Variants in WNT7B observed in about 807,000 individuals in gnomAD.
WNT7B encodes protein Wnt-7b.
In WNT7B, 19 loss-of-function variants were observed where a neutral mutation model predicts 38.2. The observed-to-expected ratio is 0.50, with a 90% CI of 0.35 to 0.73. WNT7B has a LOEUF of 0.73. WNT7B is among the 30% of genes least tolerant of loss of function. WNT7B has a pLI of 0.01. For synonymous variants in WNT7B, 243 were observed against 209.3 expected, an observed-to-expected ratio of 1.16 and a Z score of -1.39; for missense variants, 423 against 507.9, an observed-to-expected ratio of 0.83 and a Z score of 1.61.
chr22:45,961,858 G>A (rs556189345), intron 1 of WNT7B, among the ~76,000 whole-genome samples: 3 of 152,294 alleles, frequency 2.0e-5, no homozygotes, highest in Non-Finnish European at 2.9e-5. Context: ...ACTGGCTCTC[G>A]CTGGCCTCCC....
intron 3 of WNT7B, chr22:45,925,481 C>T (rs1931054903): frequency 4.1e-6 from 4 of 985,162 alleles, no homozygotes; most frequent in African/African-American, 1.7e-5. Flanking sequence ...AATTGCAGGG[C>T]TAAGGGGCAT....
chr22:45,961,063 C>A (rs547410629), intron 1 of WNT7B, among the ~76,000 whole-genome samples: 1 of 152,372 alleles, frequency 6.6e-6, no homozygotes, highest in African/African-American at 2.4e-5. Flanking sequence ...CCACCTGCAC[C>A]TGCCCCATAA....
At chr22:45,942,508 C>T (rs1014403086) in intron 2 of WNT7B, among the ~76,000 whole-genome samples, 5 of 152,258 alleles carry the variant, frequency 3.3e-5, no homozygotes, top group African/African-American at 1.2e-4. Flanking sequence ...GGCTTGGCCC[C>T]AATCCCTGCT....
chr22:45,933,728 A>G (rs560076865), intron 2 of WNT7B, among the ~76,000 whole-genome samples: 1 of 152,264 alleles, frequency 6.6e-6, no homozygotes, highest in South Asian at 2.1e-4. Context: ...CAATCTTAAC[A>G]AGGAGCATGG....
intron 3 of WNT7B, among the ~76,000 whole-genome samples, chr22:45,929,182 C>G (rs1319775343): frequency 6.6e-6 from 1 of 152,180 alleles, no homozygotes; most frequent in African/African-American, 2.4e-5. Flanking sequence ...CCTCCTCCTC[C>G]AGGGAGTCCT....
chr22:45,971,354 G>A (rs370059871), intron 1 of WNT7B, among the ~76,000 whole-genome samples: 129 of 152,348 alleles, frequency 8.5e-4, no homozygotes, highest in South Asian at 4.6e-3. Flanking sequence ...TTCTTTTTAA[G>A]TCAGAGGCCA....
chr22:45,959,807 G>A (rs920537091), intron 1 of WNT7B, among the ~76,000 whole-genome samples: 7 of 152,014 alleles, frequency 4.6e-5, no homozygotes, highest in South Asian at 2.1e-4. Context: ...CCCCTACCCC[G>A]CCACTGAAAG....
intron 2 of WNT7B, among the ~76,000 whole-genome samples, chr22:45,934,990 G>C (rs1931477400): frequency 6.6e-6 from 1 of 152,196 alleles, no homozygotes; most frequent in Non-Finnish European, 1.5e-5. Flanking sequence ...AGCCCACGGG[G>C]GAGGGCCCGT....
chr22:45,962,542 C>T (rs79800847), intron 1 of WNT7B, among the ~76,000 whole-genome samples: 4,840 of 152,302 alleles, frequency 0.032, 250 homozygotes, highest in African/African-American at 0.11. Flanking sequence ...CCACCAGGGT[C>T]TCTCTCAGTT....
chr22:45,954,382 C>A (rs2146737052), intron 1 of WNT7B, among the ~76,000 whole-genome samples: 1 of 152,298 alleles, frequency 6.6e-6, no homozygotes, highest in South Asian at 2.1e-4. Flanking sequence ...CTGAATTGTT[C>A]ACTTAAAAAT....
chr22:45,972,168 T>A, intron 1 of WNT7B: 1 of 521,028 alleles, frequency 1.9e-6, no homozygotes, highest in East Asian at 5.3e-5. Context: ...TAGCTGCCGC[T>A]GGACAGGAGG....
chr22:45,968,736 C>T (rs1932365924), intron 1 of WNT7B, among the ~76,000 whole-genome samples: 2 of 152,172 alleles, frequency 1.3e-5, no homozygotes, highest in African/African-American at 4.8e-5. Flanking sequence ...TCCACTTGCC[C>T]ACCTCCAGTG....
chr22:45,959,504 G>A (rs1031946611), intron 1 of WNT7B, among the ~76,000 whole-genome samples: 2 of 152,180 alleles, frequency 1.3e-5, no homozygotes, highest in African/African-American at 4.8e-5. Flanking sequence ...CCTGGGAGAA[G>A]TCGGCTGTGC....
At chr22:45,952,713 G>A (rs1217023225) in intron 1 of WNT7B, among the ~76,000 whole-genome samples, 1 of 152,222 alleles carries the variant, frequency 6.6e-6, no homozygotes, top group African/African-American at 2.4e-5. Context: ...GGGACTTAGT[G>A]TGGACCCTGG....
In WNT7B at chr22:45,965,918, G is replaced by A. The variant is rs531574102; in HGVS notation, c.71+10766C>T. The stretch of plus-strand genomic sequence containing the variant: ...AGAGCCCGCCCAAGGCTGGAAACCC[G>A]CCTTAGTAAAACACCGTGACAAGTG... On this transcript the variant is annotated intron_variant, in intron 1 of 3. Transcript: ENST00000339464. The surrounding 1 kb of genome is among the most constrained non-coding windows in gnomAD (Gnocchi z 6.5). Among the ~76,000 whole-genome samples, 1 of 152,164 alleles carries A rather than the reference G, an allele frequency of 6.6e-6. No homozygotes were observed. Among genetic ancestry groups the A allele is most frequent in the Non-Finnish European group, 1.5e-5 (1 of 68,034 alleles).
At chr22:45,937,578 C>T (rs545520143) in intron 2 of WNT7B, among the ~76,000 whole-genome samples, 9 of 148,192 alleles carry the variant, frequency 6.1e-5, no homozygotes, top group East Asian at 3.9e-4. Context: ...CACCTCAGCA[C>T]GTGTCCCTGG....
intron 3 of WNT7B, among the ~76,000 whole-genome samples, chr22:45,928,541 C>T (rs539621780): frequency 9.2e-5 from 14 of 152,134 alleles, no homozygotes; most frequent in South Asian, 2.1e-4. Flanking sequence ...TGGCCACTGG[C>T]GGCATCATCA....
Position 45,947,197 on chromosome 22 carries a change from G to C in WNT7B, c.298+2723C>G, listed in dbSNP as rs553299880. Reference sequence around the variant, plus strand: ...GCCCGAAGCTCTGATTCTCAGAAGGGATGTGGGGAACCAGGGTGAATATGG... The same window carrying C: ...GCCCGAAGCTCTGATTCTCAGAAGGCATGTGGGGAACCAGGGTGAATATGG... On this transcript the variant is annotated intron_variant, in intron 2 of 3. Transcript: ENST00000339464. Among the ~76,000 whole-genome samples the C allele has an allele frequency of 8.5e-5, 13 of 152,366 alleles. No individual in the cohort carries two copies. In the South Asian group the frequency reaches 2.7e-3, roughly 32 times the overall value.
chr22:45,940,464 G>A (rs1009546788), intron 2 of WNT7B, among the ~76,000 whole-genome samples: 9 of 152,180 alleles, frequency 5.9e-5, no homozygotes, highest in South Asian at 2.1e-4. Context: ...CTCTACACAC[G>A]CGCGACACTG....
Sources: gnomAD v4.1 joint callset for allele counts (sites outside exome capture counted in the v4.1 genomes callset) on GRCh38, gnomAD v4.1.1 for gene constraint, Gnocchi (gnomAD v3.1) non-coding constraint, MANE v1.5 for transcripts, NCBI Gene and HGNC (gene_info 2026-07-23, HGNC 2026-07-21) for gene names.